The following RSRC1 variants were observed in gnomAD, a reference collection of about 807,000 sequenced individuals.
RSRC1 encodes serine/Arginine-related protein 53.
RSRC1 carries 39 observed loss-of-function variants against 49.1 expected under a neutral mutation model. The ratio of observed to expected loss-of-function variants is 0.79; its 90% CI spans 0.61 to 1.04. RSRC1 has a LOEUF of 1.04. Among genes scored for constraint, RSRC1 ranks in the 50% least tolerant of loss-of-function variants. The pLI is 0.00. For missense variants in RSRC1, 388 were observed against 402.4 expected, an observed-to-expected ratio of 0.96 and a Z score of 0.31; for synonymous variants, 143 against 130.8, an observed-to-expected ratio of 1.09 and a Z score of -0.63.
At chr3:158,485,166 A>G (rs116094406) in intron 7 of RSRC1, among the ~76,000 whole-genome samples, 3 of 152,148 alleles carry the variant, frequency 2.0e-5, no homozygotes, top group African/African-American at 4.8e-5. Flanking sequence ...AAGAATGAAG[A>G]TTGTAGGCTG....
intron 6 of RSRC1, among the ~76,000 whole-genome samples, chr3:158,458,639 A>G (rs547953258): frequency 1.3e-5 from 2 of 152,240 alleles, no homozygotes; most frequent in South Asian, 4.2e-4. Context: ...TAAAAGATGT[A>G]ATTACTTTGG....
intron 4 of RSRC1, chr3:158,275,887 CT>C: frequency 1.5e-6 from 1 of 655,578 alleles, no homozygotes; most frequent in African/African-American, 1.8e-5. Flanking sequence ...TGTGGTGGAA[CT>C]TATGGCCCTT....
intron 6 of RSRC1, among the ~76,000 whole-genome samples, chr3:158,384,111 G>T (rs533764650): frequency 6.6e-6 from 1 of 152,020 alleles, no homozygotes; most frequent in Admixed American, 6.6e-5. Context: ...GATAGTTTTC[G>T]AAATATGTCA....
chr3:158,471,031 G>A (rs1483519561), intron 7 of RSRC1, among the ~76,000 whole-genome samples: 1 of 152,204 alleles, frequency 6.6e-6, no homozygotes, highest in Non-Finnish European at 1.5e-5. Context: ...TTGGACTAGA[G>A]CCCAGGCTTT....
In RSRC1 at chr3:158,442,012, C is replaced by A. The variant is rs567252694; in HGVS notation, c.584-18923C>A. ...ATATAAAAGTTATGTTTATACTGTA[C>A]TGTAGTCTATTAAGTGTATAATAGC... is the stretch of plus-strand genomic sequence containing the variant. On this transcript the variant is annotated intron_variant, in intron 6 of 9. Coordinates refer to ENST00000611884, the MANE Select transcript of RSRC1 (RefSeq NM_001271838.2). Among the ~76,000 whole-genome samples, 6 of 152,164 alleles carry A rather than the reference C, an allele frequency of 3.9e-5. No homozygotes were observed. The East Asian group carries it at 1.2e-3, about 29-fold the overall frequency.
intron 3 of RSRC1, among the ~76,000 whole-genome samples, chr3:158,188,224 C>G (rs1324422248): frequency 6.6e-6 from 1 of 151,840 alleles, no homozygotes; most frequent in Admixed American, 6.6e-5. Context: ...TTTCTGTTTT[C>G]CAGTATATAT....
chr3:158,440,251 GA>G (rs1736309505), intron 6 of RSRC1, among the ~76,000 whole-genome samples: 2 of 151,964 alleles, frequency 1.3e-5, no homozygotes, highest in South Asian at 4.1e-4. Context: ...AAAAATGAGT[GA>G]GAACCACTTG....
intron 6 of RSRC1, among the ~76,000 whole-genome samples, chr3:158,368,502 G>C (rs566770708): frequency 6.6e-6 from 1 of 152,206 alleles, no homozygotes; most frequent in Non-Finnish European, 1.5e-5. Context: ...CAGGGAGCAG[G>C]TTCCCTTGAC....
Position 158,158,834 on chromosome 3 carries a change from G to A in RSRC1, c.320+34843G>A, listed in dbSNP as rs1024928502. Reference sequence around the variant, plus strand: ...TGTGCCTGTAATCTCAGCTACTCGGGAGGCTGAGGCAAGAGAATTACTTGA... The same window carrying A: ...TGTGCCTGTAATCTCAGCTACTCGGAAGGCTGAGGCAAGAGAATTACTTGA... On this transcript the variant is annotated intron_variant, in intron 3 of 9. Transcript: ENST00000611884. Among the ~76,000 whole-genome samples, 41 of 152,012 alleles carry A rather than the reference G, an allele frequency of 2.7e-4. 1 individual carries two copies. Among genetic ancestry groups the A allele is most frequent in the African/African-American group, 9.4e-4 (39 of 41,464 alleles).
chr3:158,419,643 T>C (rs1364476222), intron 6 of RSRC1, among the ~76,000 whole-genome samples: 1 of 151,930 alleles, frequency 6.6e-6, no homozygotes. Context: ...TGTTTGGATG[T>C]GTACATGCCT....
intron 6 of RSRC1, among the ~76,000 whole-genome samples, chr3:158,415,977 T>C (rs1051004014): frequency 6.6e-6 from 1 of 152,050 alleles, no homozygotes; most frequent in Non-Finnish European, 1.5e-5. Flanking sequence ...TATCTTTTTG[T>C]GTGTCATATT....
chr3:158,293,206 A>G (rs952487301), intron 4 of RSRC1, among the ~76,000 whole-genome samples: 1 of 152,114 alleles, frequency 6.6e-6, no homozygotes, highest in Non-Finnish European at 1.5e-5. Context: ...CTTTCCCTAG[A>G]CTAGAATATA....
At chr3:158,234,210 G>C (rs1191592274) in intron 4 of RSRC1, among the ~76,000 whole-genome samples, 1 of 152,150 alleles carries the variant, frequency 6.6e-6, no homozygotes, top group Non-Finnish European at 1.5e-5. Flanking sequence ...GAAGATCCCA[G>C]CTATTCACAA....
At chr3:158,112,766 C>A (rs1434139583) in intron 1 of RSRC1, among the ~76,000 whole-genome samples, 1 of 152,054 alleles carries the variant, frequency 6.6e-6, no homozygotes, top group African/African-American at 2.4e-5. Context: ...GCCCAGCATG[C>A]GTTATCTATT....
intron 7 of RSRC1, among the ~76,000 whole-genome samples, chr3:158,512,309 A>T (rs1256703657): frequency 7.0e-6 from 1 of 142,578 alleles, no homozygotes; most frequent in Non-Finnish European, 1.5e-5. Flanking sequence ...TAAGGAAGGG[A>T]TCCAGTTTCA....
intron 3 of RSRC1, among the ~76,000 whole-genome samples, chr3:158,170,225 T>C (rs1359688661): frequency 6.6e-6 from 1 of 152,164 alleles, no homozygotes; most frequent in Non-Finnish European, 1.5e-5. Context: ...GTTGCAAAAC[T>C]TGAAGCCAGA....
At chr3:158,197,265 C>G (rs1578187247) in intron 3 of RSRC1, among the ~76,000 whole-genome samples, 1 of 152,168 alleles carries the variant, frequency 6.6e-6, no homozygotes, top group Non-Finnish European at 1.5e-5. Context: ...TCCATTTCTT[C>G]TAGATTTTCT....
At chr3:158,196,759 CAT>C (rs1201445819) in intron 3 of RSRC1, among the ~76,000 whole-genome samples, 1 of 152,112 alleles carries the variant, frequency 6.6e-6, no homozygotes, top group African/African-American at 2.4e-5. Flanking sequence ...TTGAGATAAT[CAT>C]GTGGTTTTTG....
At chr3:158,491,196 A>G (rs1215353318) in intron 7 of RSRC1, among the ~76,000 whole-genome samples, 1 of 152,240 alleles carries the variant, frequency 6.6e-6, no homozygotes, top group East Asian at 1.9e-4. Context: ...CCCAGAAGAA[A>G]GAGGTGTAAA....
Sources: allele counts gnomAD v4.1 joint callset (sites outside exome capture counted in the v4.1 genomes callset), GRCh38; gene constraint gnomAD v4.1.1; transcripts MANE v1.5; gene names NCBI Gene and HGNC (gene_info 2026-07-23, HGNC 2026-07-21).